TRHDE: variants seen among roughly 807,000 people sequenced by gnomAD.
The protein encoded by TRHDE is thyrotropin releasing hormone degrading enzyme.
TRHDE carries 72 observed loss-of-function variants against 125.7 expected under a neutral mutation model. The ratio of observed to expected loss-of-function variants is 0.57; its 90% confidence interval spans 0.47 to 0.70. The LOEUF is 0.70. Ranked by LOEUF, TRHDE falls within the 30% of genes least tolerant of loss-of-function variation. TRHDE has a pLI of 0.00. For synonymous variants in TRHDE, 509 were observed against 509.1 expected (o/e 1.00, Z 0.00); for missense variants, 1,110 against 1,327.1 (o/e 0.84, Z 2.54).
At chr12:72,349,013 C>T (rs1870459304) in intron 2 of TRHDE, among the ~76,000 whole-genome samples, 1 of 151,820 alleles carries the variant, frequency 6.6e-6, no homozygotes, top group African/African-American at 2.4e-5. Flanking sequence ...TATGTCTTTC[C>T]CCTCTGACAT....
intron 2 of TRHDE, among the ~76,000 whole-genome samples, chr12:72,151,940 T>C (rs1288359343): frequency 3.3e-5 from 5 of 151,276 alleles, no homozygotes; most frequent in African/African-American, 1.2e-4. Flanking sequence ...AAGAAAGTCA[T>C]TGGTAGCTTG....
intron 2 of TRHDE, among the ~76,000 whole-genome samples, chr12:72,154,470 A>G (rs1268066249): frequency 2.6e-5 from 4 of 152,136 alleles, no homozygotes; most frequent in Non-Finnish European, 5.9e-5. Flanking sequence ...TCGTTAGTTG[A>G]TGCAGTTTCT....
At chr12:72,098,625 G>T (rs1019435847) in intron 1 of TRHDE, among the ~76,000 whole-genome samples, 3 of 152,120 alleles carry the variant, frequency 2.0e-5, no homozygotes, top group Non-Finnish European at 2.9e-5. Flanking sequence ...GCTTCAAAAG[G>T]CCAGATACAT....
chr12:72,587,931 C>G (rs1254053650), intron 12 of TRHDE, among the ~76,000 whole-genome samples: 1 of 151,988 alleles, frequency 6.6e-6, no homozygotes, highest in Non-Finnish European at 1.5e-5. Flanking sequence ...TATTTAGTTA[C>G]CAGGTTTGTA....
chr12:72,136,433 C>A (rs1592454136), intron 2 of TRHDE, among the ~76,000 whole-genome samples: 1 of 152,136 alleles, frequency 6.6e-6, no homozygotes, highest in African/African-American at 2.4e-5. Context: ...CATGCATATC[C>A]AAAGTAACGG....
At chr12:72,454,925 C>G (rs1875768617) in intron 3 of TRHDE, among the ~76,000 whole-genome samples, 1 of 152,074 alleles carries the variant, frequency 6.6e-6, no homozygotes, top group African/African-American at 2.4e-5. Flanking sequence ...TATACAATAT[C>G]CTTCAAGATT....
chr12:72,625,074 A>G (rs905633794), intron 15 of TRHDE, among the ~76,000 whole-genome samples: 11 of 151,926 alleles, frequency 7.2e-5, no homozygotes, highest in African/African-American at 2.4e-4. Context: ...GTAGAAAAAA[A>G]ATAGTACATA....
In TRHDE at chr12:72,511,680, A is replaced by G. The variant is rs1878586611; in HGVS notation, c.1722+12045A>G. ...AATTATTAACTTGTGCATTTTGCTG[A>G]TGGAGGCAAGTTTTCCTTTGCACAC... On this transcript the variant is annotated intron_variant, in intron 6 of 18. Transcript: ENST00000261180. Among the ~76,000 whole-genome samples, 5 of 152,116 alleles carry G rather than the reference A, an allele frequency of 3.3e-5. No individual in the cohort carries two copies. In the South Asian group the frequency reaches 1.0e-3, roughly 31 times the overall value.
intron 17 of TRHDE, among the ~76,000 whole-genome samples, chr12:72,656,023 A>G (rs1029880187): frequency 2.0e-5 from 3 of 152,130 alleles, no homozygotes; most frequent in Non-Finnish European, 4.4e-5. Flanking sequence ...AAGCACTGGA[A>G]AACCTATTAT....
intron 11 of TRHDE, 23 bp from the exon 12 acceptor site, chr12:72,575,463 AT>A (rs1163475321): frequency 6.2e-7 from 1 of 1,613,482 alleles, no homozygotes; most frequent in Non-Finnish European, 8.5e-7. Flanking sequence ...AAATTATCCT[AT>A]TATTTTTTCT....
At chr12:72,519,810 A>G (rs1451876783) in intron 6 of TRHDE, among the ~76,000 whole-genome samples, 4 of 151,404 alleles carry the variant, frequency 2.6e-5, no homozygotes, top group Admixed American at 2.0e-4. Flanking sequence ...GGTGATGTAC[A>G]GATGGGTTTT....
chr12:72,356,542 TA>T (rs1056986448), intron 2 of TRHDE, among the ~76,000 whole-genome samples: 50 of 143,744 alleles, frequency 3.5e-4, no homozygotes, highest in South Asian at 4.4e-4. Context: ...AAATAAAAGT[TA>T]AAAAAAAAAA....
At chr12:72,205,806 T>C (rs1414966857) in intron 2 of TRHDE, among the ~76,000 whole-genome samples, 1 of 152,240 alleles carries the variant, frequency 6.6e-6, no homozygotes, top group African/African-American at 2.4e-5. Context: ...AATGCTACAA[T>C]GAACGTGGAT....
At chr12:72,553,519 C>T (rs1869772697) in intron 7 of TRHDE, among the ~76,000 whole-genome samples, 1 of 151,992 alleles carries the variant, frequency 6.6e-6, no homozygotes, top group African/African-American at 2.4e-5. Context: ...TGTGCTGAGT[C>T]GAATTAGTGT....
chr12:72,483,956 C>T (rs1877291161), intron 5 of TRHDE, among the ~76,000 whole-genome samples: 1 of 151,928 alleles, frequency 6.6e-6, no homozygotes, highest in Non-Finnish European at 1.5e-5. Context: ...AGTTGTATGG[C>T]TATTTATTTT....
chr12:72,265,209 T>C (rs1405711505), intron 2 of TRHDE, among the ~76,000 whole-genome samples: 3 of 151,920 alleles, frequency 2.0e-5, no homozygotes, highest in Non-Finnish European at 4.4e-5. Flanking sequence ...AATTATAGCA[T>C]ACAAATAAAT....
chr12:72,119,581 C>T (rs759766607), intron 2 of TRHDE, among the ~76,000 whole-genome samples: 34 of 152,222 alleles, frequency 2.2e-4, no homozygotes, highest in Admixed American at 4.6e-4. Context: ...TTAAGTCCAA[C>T]GTTTCTTCAT....
chr12:72,225,141 T>C (rs1002536038), intron 2 of TRHDE, among the ~76,000 whole-genome samples: 1 of 152,206 alleles, frequency 6.6e-6, no homozygotes, highest in Non-Finnish European at 1.5e-5. Flanking sequence ...ACTAAAATGA[T>C]GTAATTGACC....
At chr12:72,517,913 A>C (rs1231689640) in intron 6 of TRHDE, among the ~76,000 whole-genome samples, 2 of 152,040 alleles carry the variant, frequency 1.3e-5, no homozygotes, top group African/African-American at 2.4e-5. Context: ...CCCAGTTGTC[A>C]TTCAGGAGCA....
Sources: allele counts gnomAD v4.1 joint callset (sites outside exome capture counted in the v4.1 genomes callset), GRCh38; gene constraint gnomAD v4.1.1; transcripts MANE v1.5; gene names NCBI Gene and HGNC (gene_info 2026-07-23, HGNC 2026-07-21).